Variants in CRNKL1 observed in about 807,000 individuals in gnomAD.
CRNKL1 encodes the protein crooked neck pre-mRNA splicing factor 1.
CRNKL1 carries 35 observed loss-of-function variants against 103.7 expected under a neutral mutation model. The observed-to-expected ratio is 0.34, with a 90% CI of 0.26 to 0.45. CRNKL1 has a LOEUF of 0.45. CRNKL1 is among the 20% of genes least tolerant of loss of function. CRNKL1 has a pLI of 1.00. For synonymous variants in CRNKL1, 267 were observed against 282.6 expected (o/e 0.94, Z 0.55); for missense variants, 645 against 836.0 (o/e 0.77, Z 2.82).
intron 5 of CRNKL1, among the ~76,000 whole-genome samples, chr20:20,045,830 CAG>C (rs2146496597): frequency 6.6e-6 from 1 of 152,216 alleles, no homozygotes; most frequent in East Asian, 1.9e-4. Context: ...CATTTGTAAA[CAG>C]GGAAAAATAA....
At chr20:20,052,492 CT>C, upstream of CRNKL1, 1 of 1,614,242 alleles carries the variant, frequency 6.2e-7, no homozygotes. Context: ...TGACCTCTCG[CT>C]TGAGCCGTGA....
At chr20:20,036,827 A>T (rs1297818028) in intron 13 of CRNKL1, among the ~76,000 whole-genome samples, 1 of 152,086 alleles carries the variant, frequency 6.6e-6, no homozygotes, top group Non-Finnish European at 1.5e-5. Flanking sequence ...TCCAGCTTCC[A>T]TGTCTTGCTC....
chr20:20,034,465 T>C lies in CRNKL1; in HGVS notation c.*1730A>G, dbSNP rs1054993095. On this transcript the variant is annotated 3_prime_UTR_variant, in exon 14 of 14. Transcript: ENST00000536226. The stretch of plus-strand genomic sequence containing the variant: ...CCTGTTAGAGAATAGCTTTTTTCCT[T>C]CCAGCTTTCACACTGGCACATGCTT... The C allele has an allele frequency of 6.6e-6, 1 of 152,226 alleles. No homozygotes were observed. Among genetic ancestry groups the C allele is most frequent in the African/African-American group, 2.4e-5 (1 of 41,460 alleles). 9.4% of individuals were successfully genotyped at this position (152,226 alleles called of 1,614,324 possible). A position where few individuals can be genotyped will look rare whatever the true frequency, so the allele number is the denominator to read the frequency against.
intron 5 of CRNKL1, among the ~76,000 whole-genome samples, chr20:20,047,183 C>T (rs2043606292): frequency 6.6e-6 from 1 of 152,174 alleles, no homozygotes; most frequent in African/African-American, 2.4e-5. Flanking sequence ...CAGCCAGGAC[C>T]TTAGTACAGT....
rs2043785102 is a variant in CRNKL1, at chr20:20,052,365, A to G, written c.-23T>C. Reference sequence around the variant, plus strand: ...CATGTCTGCAGCAGTCGACCTCTGGACACCTGTCCCCGGCACGGACGCTAG... The same window carrying G: ...CATGTCTGCAGCAGTCGACCTCTGGGCACCTGTCCCCGGCACGGACGCTAG... On this transcript the variant is annotated 5_prime_UTR_variant, in exon 1 of 14. Coordinates refer to ENST00000536226, the MANE Select transcript of CRNKL1 (RefSeq NM_001278628.2). 1 of 1,613,988 alleles carries G rather than the reference A, an allele frequency of 6.2e-7. No individual in the cohort carries two copies. Among genetic ancestry groups the G allele is most frequent in the African/African-American group, 1.3e-5 (1 of 74,926 alleles).
chr20:20,052,541 G>A (rs1252388121), upstream of CRNKL1: 1 of 1,614,184 alleles, frequency 6.2e-7, no homozygotes, highest in Admixed American at 1.7e-5. Context: ...CAGGCTGCGC[G>A]TCCTCCTTGC....
In CRNKL1 at chr20:20,035,217, T is replaced by C. The variant is rs1004097668; in HGVS notation, c.*978A>G. 1 of 152,174 alleles carries C rather than the reference T, an allele frequency of 6.6e-6. No individual in the cohort carries two copies. Among genetic ancestry groups the C allele is most frequent in the Non-Finnish European group, 1.5e-5 (1 of 68,040 alleles). The allele number at this position is 152,174 out of a possible 1,614,324, so 9.4% of individuals were successfully genotyped here. On this transcript the variant is annotated 3_prime_UTR_variant, in exon 14 of 14. Coordinates refer to ENST00000536226, the MANE Select transcript of CRNKL1 (RefSeq NM_001278628.2). ...CACTGGGAGATGTTTACTGGTACTC[T>C]AGGTAGAAATGACTCCATTGTCCAC... is the stretch of plus-strand genomic sequence containing the variant.
intron 7 of CRNKL1, 145 bp downstream of exon 7, chr20:20,043,346 GA>G: frequency 1.3e-6 from 1 of 779,372 alleles, no homozygotes; most frequent in Non-Finnish European, 2.0e-6. Flanking sequence ...CTACTTGTCT[GA>G]AATAGCTGCC....
chr20:20,045,257 T>C lies in CRNKL1; in HGVS notation c.801+51A>G, dbSNP rs753825476. On this transcript the variant is annotated intron_variant, in intron 6 of 13. Coordinates refer to ENST00000536226, the MANE Select transcript of CRNKL1 (RefSeq NM_001278628.2). ...GGAAATGAACTCACCATGCACAAAA[T>C]GTAATCTTTGCTAAGCTGTTTTACA... is the stretch of plus-strand genomic sequence containing the variant. 3.5e-6 allele frequency: 5 copies of C among 1,448,430 alleles called. No individual in the cohort carries two copies. The East Asian group carries it at 7.1e-5, about 20-fold the overall frequency. The allele number at this position is 1,448,430 out of a possible 1,614,324, so 89.7% of individuals were successfully genotyped here. A position where few individuals can be genotyped will look rare whatever the true frequency, so the allele number is the denominator to read the frequency against.
chr20:20,044,067 C>T (rs2043557834), intron 6 of CRNKL1, among the ~76,000 whole-genome samples: 1 of 152,130 alleles, frequency 6.6e-6, no homozygotes, highest in Non-Finnish European at 1.5e-5. Context: ...ACTCCATATT[C>T]ACTCTTGCAA....
Position 20,037,577 on chromosome 20 carries a change from A to G in CRNKL1, c.1648-6T>C. On this transcript the variant is annotated splice_polypyrimidine_tract_variant and splice_region_variant and intron_variant, in intron 12 of 13. Transcript: ENST00000536226. ...TGAGCAAAGCTGATCCATACCTTTAAAAAAAGTTATTATTGAACCAAATTA... is the reference window on the plus strand; with the variant it reads ...TGAGCAAAGCTGATCCATACCTTTAGAAAAAGTTATTATTGAACCAAATTA... 6.2e-7 allele frequency: 1 copy of G among 1,609,066 alleles called. No homozygotes were observed. Among genetic ancestry groups the G allele is most frequent in the South Asian group, 1.1e-5 (1 of 89,972 alleles).
intron 11 of CRNKL1, among the ~76,000 whole-genome samples, chr20:20,038,935 T>C (rs1468307069): frequency 6.6e-6 from 1 of 152,178 alleles, no homozygotes; most frequent in Admixed American, 6.5e-5. Flanking sequence ...GAATAAACCG[T>C]GGCATGGACA....
intron 11 of CRNKL1, among the ~76,000 whole-genome samples, chr20:20,039,324 G>A (rs569873356): frequency 2.6e-5 from 4 of 152,250 alleles, no homozygotes; most frequent in Non-Finnish European, 5.9e-5. Context: ...CTCTTCCCCA[G>A]CCCCTTTAGG....
intron 5 of CRNKL1, among the ~76,000 whole-genome samples, chr20:20,046,556 G>A (rs1443850270): frequency 6.6e-6 from 1 of 152,186 alleles, no homozygotes; most frequent in South Asian, 2.1e-4. Flanking sequence ...TAGGAGAAAC[G>A]TGTATATATA....
chr20:20,055,015 GT>G (rs1466682016), upstream of CRNKL1, among the ~76,000 whole-genome samples: 1 of 151,944 alleles, frequency 6.6e-6, no homozygotes, highest in Non-Finnish European at 1.5e-5. Context: ...TGTATTTTCT[GT>G]TTCTATGTGC....
Position 20,035,068 on chromosome 20 carries a change from A to C in CRNKL1, c.*1127T>G, listed in dbSNP as rs1208090061. 6.6e-6 allele frequency: 1 copy of C among 152,206 alleles called. No individual in the cohort carries two copies. The highest frequency in any genetic ancestry group is 1.5e-5 in the Non-Finnish European group (1 of 68,052). 9.4% of individuals were successfully genotyped at this position (152,206 alleles called of 1,614,324 possible). A position where few individuals can be genotyped will look rare whatever the true frequency, so the allele number is the denominator to read the frequency against. On this transcript the variant is annotated 3_prime_UTR_variant, in exon 14 of 14. Transcript: ENST00000536226. ...ATGTGAGCAACGTATCAGCAAATAC[A>C]TTCATTCTTGTGCTACTCTTCATTA...
upstream of CRNKL1, among the ~76,000 whole-genome samples, chr20:20,054,013 GTT>G (rs1239349657): frequency 1.5e-3 from 89 of 59,098 alleles, no homozygotes; most frequent in African/African-American, 5.3e-3. Flanking sequence ...TTTTTTGTTT[GTT>G]TTTTTTTTTT....
intron 9 of CRNKL1, 83 bp from the exon 10 acceptor site, chr20:20,040,849 A>T: frequency 1.1e-6 from 1 of 948,488 alleles, no homozygotes; most frequent in Non-Finnish European, 1.6e-6. Flanking sequence ...AATTAACCAA[A>T]GCCATTGGTA....
At chr20:20,040,541 G>A (rs975697954) in intron 10 of CRNKL1, 145 bp downstream of exon 10, 3 of 653,516 alleles carry the variant, frequency 4.6e-6, no homozygotes, top group South Asian at 3.6e-5. Flanking sequence ...TACAGAGGAC[G>A]CATGTTTTCT....
Sources: gnomAD v4.1 joint callset for allele counts (sites outside exome capture counted in the v4.1 genomes callset) on GRCh38, gnomAD v4.1.1 for gene constraint, MANE v1.5 for transcripts, NCBI Gene and HGNC (gene_info 2026-07-23, HGNC 2026-07-21) for gene names.